The following TBC1D16 variants were observed in gnomAD, a reference collection of about 807,000 sequenced individuals.
TBC1D16 encodes the protein TBC1 domain family member 16.
TBC1D16 carries 58 observed loss-of-function variants against 74.7 expected under a neutral mutation model. That is an observed-to-expected ratio of 0.78 (90% CI 0.63 to 0.97). The LOEUF (loss-of-function observed/expected upper bound fraction) is 0.97, where lower values mean the gene tolerates loss of function less well. TBC1D16 is among the 50% of genes least tolerant of loss of function. The probability of loss-of-function intolerance (pLI) is 0.00; values close to 1 mark genes in which losing one functional copy is unlikely to be tolerated. For synonymous variants in TBC1D16, 493 were observed against 474.7 expected, an observed-to-expected ratio of 1.04 and a Z score of -0.50; for missense variants, 1,014 against 1,079.5, an observed-to-expected ratio of 0.94 and a Z score of 0.85.
rs916756612 is a variant in TBC1D16, at chr17:79,941,321, A to G, written c.2056-214T>C. Among the ~76,000 whole-genome samples, 3 of 152,246 alleles carry G rather than the reference A, an allele frequency of 2.0e-5. No individual in the cohort carries two copies. The East Asian group carries it at 5.8e-4, about 29-fold the overall frequency. ...GGTGGCTGCAGTGATGGGACCCACA[A>G]GGCACTCGGGCTGTGCTCACAGGTG... On this transcript the variant is annotated intron_variant, in intron 11 of 11. Transcript: ENST00000310924. This position sits in a 1 kb window ranked among gnomAD's most constrained non-coding sequence, Gnocchi z 4.3.
At position 79,944,902 on chromosome 17, in the gene TBC1D16, G is replaced by A. The variant is rs1158918108; in HGVS notation, c.1908+6C>T. ...CCTCCCCAGCCCTGGCCCCTGCCCTGGTCACCTGGTAGTGGGCCCAGCAGG... is the reference window on the plus strand; with the variant it reads ...CCTCCCCAGCCCTGGCCCCTGCCCTAGTCACCTGGTAGTGGGCCCAGCAGG... On this transcript the variant is annotated splice_donor_region_variant and intron_variant, in intron 10 of 11. Transcript: ENST00000310924. The surrounding 1 kb of genome is among the most constrained non-coding windows in gnomAD (Gnocchi z 7.7). 2 of 1,548,530 alleles carry A rather than the reference G, an allele frequency of 1.3e-6. No homozygotes were observed. Among genetic ancestry groups the A allele is most frequent in the Non-Finnish European group, 1.7e-6 (2 of 1,146,420 alleles).
At chr17:79,982,751 C>T (rs997380678) in intron 3 of TBC1D16, among the ~76,000 whole-genome samples, 4 of 151,656 alleles carry the variant, frequency 2.6e-5, no homozygotes, top group Non-Finnish European at 5.9e-5. Context: ...CCCAGCTACT[C>T]GGGAGGCTGA....
In TBC1D16 at chr17:79,979,087, A is replaced by C. The variant is rs1291204304; in HGVS notation, c.780-26269T>G. On this transcript the variant is annotated intron_variant, in intron 3 of 11. Coordinates refer to ENST00000310924, the MANE Select transcript of TBC1D16 (RefSeq NM_019020.4). The surrounding 1 kb of genome is among the most constrained non-coding windows in gnomAD (Gnocchi z 4.8). ...GTGGGCAAACCAATGAGATGATTCT[A>C]AACCAAAGCGCCCTCGTGGGCTCCA... Among the ~76,000 whole-genome samples the C allele has an allele frequency of 1.3e-5, 2 of 152,232 alleles. No individual in the cohort carries two copies. The highest frequency in any genetic ancestry group is 2.9e-5 in the Non-Finnish European group (2 of 68,034).
At chr17:79,947,409 C>T (rs2032634857) in intron 9 of TBC1D16, among the ~76,000 whole-genome samples, 1 of 152,178 alleles carries the variant, frequency 6.6e-6, no homozygotes, top group African/African-American at 2.4e-5. Flanking sequence ...TGGAAGGCCA[C>T]CAGAGCGGCC....
intron 3 of TBC1D16, among the ~76,000 whole-genome samples, chr17:79,963,997 A>T (rs2033733869): frequency 6.6e-6 from 1 of 151,844 alleles, no homozygotes; most frequent in Non-Finnish European, 1.5e-5. Context: ...TGTTTTGGAG[A>T]CAGAGTCTTG....
chr17:80,000,191 T>C lies in TBC1D16; in HGVS notation c.779+9969A>G, dbSNP rs555414815. 2.6e-5 allele frequency among the ~76,000 whole-genome samples: 4 copies of C among 152,268 alleles called. No homozygotes were observed. The highest frequency in any genetic ancestry group is 2.1e-4 in the South Asian group (1 of 4,832). The stretch of plus-strand genomic sequence containing the variant: ...TTTCTGGGATTCAGGTTGGCACCCA[T>C]AGAGCATATGCCGCGGTGAACAGTG... On this transcript the variant is annotated intron_variant, in intron 3 of 11. Coordinates refer to ENST00000310924, the MANE Select transcript of TBC1D16 (RefSeq NM_019020.4). This position sits in a 1 kb window ranked among gnomAD's most constrained non-coding sequence, Gnocchi z 4.1.
chr17:80,024,373 A>AC (rs2036415342), intron 1 of TBC1D16, among the ~76,000 whole-genome samples: 1 of 147,770 alleles, frequency 6.8e-6, no homozygotes, highest in Non-Finnish European at 1.5e-5. Context: ...CACACCACAG[A>AC]CACACACACC....
intron 3 of TBC1D16, among the ~76,000 whole-genome samples, chr17:79,970,579 C>A (rs559670930): frequency 6.6e-6 from 1 of 152,124 alleles, no homozygotes; most frequent in African/African-American, 2.4e-5. Flanking sequence ...CTGCAGACAA[C>A]GAGACAAGGT....
chr17:79,983,769 A>AG lies in TBC1D16; in HGVS notation c.779+26390dup, dbSNP rs1491537654. 5.3e-5 allele frequency among the ~76,000 whole-genome samples: 8 copies of AG among 152,170 alleles called. No homozygotes were observed. Among genetic ancestry groups the AG allele is most frequent in the Admixed American group, 4.6e-4 (7 of 15,282 alleles). On this transcript the variant is annotated intron_variant, in intron 3 of 11. Coordinates refer to ENST00000310924, the MANE Select transcript of TBC1D16 (RefSeq NM_019020.4). This position sits in a 1 kb window ranked among gnomAD's most constrained non-coding sequence, Gnocchi z 5.6. ...TCCTAGGAAGCTCTAGTTCAGACAC[A>AG]GGGGGCGCTGGGTCACGGGGTTCAT...
intron 3 of TBC1D16, among the ~76,000 whole-genome samples, chr17:79,967,449 A>G (rs1237443979): frequency 6.6e-6 from 1 of 152,190 alleles, no homozygotes. Context: ...ATTATATAAG[A>G]TCAATGTCTA....
intron 3 of TBC1D16, among the ~76,000 whole-genome samples, chr17:79,964,987 C>A (rs2033779044): frequency 6.6e-6 from 1 of 152,028 alleles, no homozygotes; most frequent in African/African-American, 2.4e-5. Flanking sequence ...ATCTAGATGG[C>A]ATGTCTATAA....
chr17:79,952,741 G>A lies in TBC1D16; in HGVS notation c.857C>T (p.Pro286Leu), dbSNP rs772287340. The A allele has an allele frequency of 1.2e-5, 19 of 1,612,146 alleles. No individual in the cohort carries two copies. Among genetic ancestry groups the A allele is most frequent in the Middle Eastern group, 3.3e-4 (2 of 6,076 alleles). ...CTGCTCCAGGGCGCACACCCGCTGC[G>A]GCTCGTCCCAGCGTGGGGTCTGCAG... ...GLLQTPRWDEPQRVCALEQIC... is the reference protein window; with the variant it reads ...GLLQTPRWDELQRVCALEQIC... Residue 286 changes from proline (P) to leucine (L), a missense_variant, in exon 4 of 12, where the codon CCG (proline) becomes CTG (leucine). Transcript: ENST00000310924.
rs1348078587 is a variant in TBC1D16 at position 79,933,217 on chromosome 17, G to A, written c.*7642C>T. 1 of 152,190 alleles carries A rather than the reference G, an allele frequency of 6.6e-6. No individual in the cohort carries two copies. Among genetic ancestry groups the A allele is most frequent in the African/African-American group, 2.4e-5 (1 of 41,396 alleles). The allele number at this position is 152,190 out of a possible 1,614,324, so 9.4% of individuals were successfully genotyped here. The stretch of plus-strand genomic sequence containing the variant: ...GTGGCCACAGGTCTGGACTTCTCTG[G>A]GTGGATGTGAGGGAGGGTGATTGAA... On this transcript the variant is annotated 3_prime_UTR_variant, in exon 12 of 12. Transcript: ENST00000310924.
In TBC1D16 at chr17:80,003,918, G is replaced by T. The variant is rs572372853; in HGVS notation, c.779+6242C>A. 3.3e-5 allele frequency among the ~76,000 whole-genome samples: 5 copies of T among 152,304 alleles called. 1 individual carries two copies. Among genetic ancestry groups the T allele is most frequent in the African/African-American group, 1.2e-4 (5 of 41,578 alleles). ...AAATAAATGAACGGGGCATGGTGGT[G>T]CATGTCTGCAATCCCAGCTACTTGA... On this transcript the variant is annotated intron_variant, in intron 3 of 11. Transcript: ENST00000310924.
chr17:79,981,986 G>A lies in TBC1D16; in HGVS notation c.779+28174C>T, dbSNP rs557323651. On this transcript the variant is annotated intron_variant, in intron 3 of 11. Coordinates refer to ENST00000310924, the MANE Select transcript of TBC1D16 (RefSeq NM_019020.4). The surrounding 1 kb of genome is among the most constrained non-coding windows in gnomAD (Gnocchi z 6.9). ...GATTGTGCTGTCAACATTGTGTTAC[G>A]CCTGGAATTTTTCAGTTACTATATC... 1.5e-4 allele frequency among the ~76,000 whole-genome samples: 23 copies of A among 152,288 alleles called. No individual in the cohort carries two copies. The highest frequency in any genetic ancestry group is 1.3e-3 in the Admixed American group (20 of 15,300).
At position 80,001,928 on chromosome 17, in the gene TBC1D16, CTG is replaced by C. The variant is rs2035501970; in HGVS notation, c.779+8230_779+8231del. On this transcript the variant is annotated intron_variant, in intron 3 of 11. Transcript: ENST00000310924. This position sits in a 1 kb window ranked among gnomAD's most constrained non-coding sequence, Gnocchi z 5.8. The stretch of plus-strand genomic sequence containing the variant: ...CAGGCTCTGATTTGCTGGGCAGCTG[CTG>C]CGCCCCGGAACAAAGACGGGAAGGG... Among the ~76,000 whole-genome samples the C allele has an allele frequency of 1.3e-5, 2 of 152,160 alleles. No homozygotes were observed. Among genetic ancestry groups the C allele is most frequent in the Non-Finnish European group, 2.9e-5 (2 of 68,028 alleles).
Position 79,941,911 on chromosome 17 carries a change from G to A in TBC1D16, c.2055+149C>T, listed in dbSNP as rs62076648. 10,100 of 692,484 alleles carry A rather than the reference G, an allele frequency of 0.015. 114 individuals carry two copies. The highest frequency in any genetic ancestry group is 0.018 in the Non-Finnish European group (7,567 of 409,526). The allele number at this position is 692,484 out of a possible 1,614,324, so 42.9% of individuals were successfully genotyped here. ...GGGGAGCCCCCAGTGCTATGGGTGG[G>A]GGAGGGCACGTGCTGGGGGGCCATG... On this transcript the variant is annotated intron_variant, in intron 11 of 11. Transcript: ENST00000310924. This position sits in a 1 kb window ranked among gnomAD's most constrained non-coding sequence, Gnocchi z 4.3.
chr17:80,012,256 C>CGGCAAGAGG (rs1419707332), intron 2 of TBC1D16, among the ~76,000 whole-genome samples: 1 of 152,170 alleles, frequency 6.6e-6, no homozygotes, highest in Non-Finnish European at 1.5e-5. Flanking sequence ...CCTTTGAGAT[C>CGGCAAGAGG]GGCAAGAGGG....
rs907139892 is a variant in TBC1D16 at position 80,007,971 on chromosome 17, C to T, written c.779+2189G>A. Reference sequence around the variant, plus strand: ...TGGCTTCCAGAGTGAGTGCACAGCACGCCTGTCCGCTGCCCACTGATGCCA... The same window carrying T: ...TGGCTTCCAGAGTGAGTGCACAGCATGCCTGTCCGCTGCCCACTGATGCCA... On this transcript the variant is annotated intron_variant, in intron 3 of 11. Transcript: ENST00000310924. This position sits in a 1 kb window ranked among gnomAD's most constrained non-coding sequence, Gnocchi z 4.5. 2.0e-5 allele frequency among the ~76,000 whole-genome samples: 3 copies of T among 151,590 alleles called. No homozygotes were observed. Among genetic ancestry groups the T allele is most frequent in the African/African-American group, 7.3e-5 (3 of 41,210 alleles).
Sources: gnomAD v4.1 joint callset for allele counts (sites outside exome capture counted in the v4.1 genomes callset) on GRCh38, gnomAD v4.1.1 for gene constraint, Gnocchi (gnomAD v3.1) non-coding constraint, MANE v1.5 for transcripts, NCBI Gene and HGNC (gene_info 2026-07-23, HGNC 2026-07-21) for gene names.